The following KAZN variants were observed in gnomAD, a reference collection of about 807,000 sequenced individuals.
KAZN encodes the protein kazrin, periplakin interacting protein.
KAZN carries 40 observed loss-of-function variants against 87.4 expected under a neutral mutation model. The ratio of observed to expected loss-of-function variants is 0.46; its 90% CI spans 0.36 to 0.60. The LOEUF is 0.60. Among genes scored for constraint, KAZN ranks in the 20% least tolerant of loss-of-function variants. KAZN has a pLI of 0.00. For synonymous variants in KAZN, 466 were observed against 458.3 expected (o/e 1.02, Z -0.22); for missense variants, 898 against 1,073.9 (o/e 0.84, Z 2.29).
chr1:14,861,800 AC>A (rs1354497973), intron 1 of KAZN, among the ~76,000 whole-genome samples: 1 of 152,178 alleles, frequency 6.6e-6, no homozygotes, highest in Non-Finnish European at 1.5e-5. Flanking sequence ...TACCCATTGA[AC>A]TTGAACAAGG....
intron 2 of KAZN, among the ~76,000 whole-genome samples, chr1:14,479,248 T>A (rs2148387452): frequency 6.6e-6 from 1 of 152,244 alleles, no homozygotes; most frequent in South Asian, 2.1e-4. Flanking sequence ...TGTGAAACTG[T>A]CCCCTGCAGC....
intron 1 of KAZN, among the ~76,000 whole-genome samples, chr1:14,717,289 G>A (rs1013912661): frequency 6.6e-6 from 1 of 151,800 alleles, no homozygotes; most frequent in Admixed American, 6.6e-5. Context: ...ACCAGGTGCT[G>A]GGAATGTGTT....
Position 14,879,132 on chromosome 1 carries a change from G to A in KAZN, c.227-81552G>A, listed in dbSNP as rs184952684. On this transcript the variant is annotated intron_variant, in intron 1 of 14. Transcript: ENST00000376030. Reference sequence around the variant, plus strand: ...ATTGGGCATTTGAGCTCTGGAGTCAGGAAGGTCTCTGTTCAAATACCAGCT... The same window carrying A: ...ATTGGGCATTTGAGCTCTGGAGTCAAGAAGGTCTCTGTTCAAATACCAGCT... Among the ~76,000 whole-genome samples, 6 of 152,350 alleles carry A rather than the reference G, an allele frequency of 3.9e-5. No homozygotes were observed. The East Asian group carries it at 1.2e-3, about 29-fold the overall frequency.
chr1:14,388,304 C>T lies in KAZN; in HGVS notation c.249+207712C>T, dbSNP rs530301449. ...ATTGCTCACGCTGGGAGCTGTAGACCGGAGCTGTTTCTATTCAGACATCTT... is the reference window on the plus strand; with the variant it reads ...ATTGCTCACGCTGGGAGCTGTAGACTGGAGCTGTTTCTATTCAGACATCTT... On this transcript the variant is annotated intron_variant, in intron 2 of 16. Coordinates refer to the KAZN transcript ENST00000636203. 5.3e-4 allele frequency among the ~76,000 whole-genome samples: 80 copies of T among 152,220 alleles called. 1 individual carries two copies. Among genetic ancestry groups the T allele is most frequent in the Non-Finnish European group, 1.0e-3 (71 of 68,010 alleles).
chr1:14,876,829 G>A (rs1426089253), intron 1 of KAZN, among the ~76,000 whole-genome samples: 1 of 152,126 alleles, frequency 6.6e-6, no homozygotes, highest in East Asian at 1.9e-4. Flanking sequence ...GTCTAGATTT[G>A]GGGAAGTCTT....
At chr1:15,040,130 C>T (rs539432340) in intron 3 of KAZN, among the ~76,000 whole-genome samples, 1 of 152,324 alleles carries the variant, frequency 6.6e-6, no homozygotes, top group African/African-American at 2.4e-5. Context: ...AAGTGACTGA[C>T]CCAAGGACAC....
Position 14,349,713 on chromosome 1 carries a change from T to G in KAZN, c.249+169121T>G, listed in dbSNP as rs149663981. On this transcript the variant is annotated intron_variant, in intron 2 of 16. Coordinates refer to the KAZN transcript ENST00000636203. ...AAAATGAGCAAGGTACGTTCAGGGT[T>G]AAAGAGGAGATAGGCCTTAGATTAT... is the stretch of plus-strand genomic sequence containing the variant. 4.7e-3 allele frequency among the ~76,000 whole-genome samples: 723 copies of G among 152,238 alleles called. 7 individuals are homozygous for G. The highest frequency in any genetic ancestry group is 0.017 in the African/African-American group (693 of 41,534).
chr1:14,997,801 G>A (rs981535287), intron 2 of KAZN, among the ~76,000 whole-genome samples: 3 of 152,162 alleles, frequency 2.0e-5, no homozygotes, highest in Non-Finnish European at 2.9e-5. Flanking sequence ...GGGCCTCACA[G>A]AGCAACAGCA....
At chr1:14,448,532 G>A (rs1372781889) in intron 2 of KAZN, among the ~76,000 whole-genome samples, 1 of 152,204 alleles carries the variant, frequency 6.6e-6, no homozygotes, top group Non-Finnish European at 1.5e-5. Flanking sequence ...CACAAACAAA[G>A]AGGAGCCAAG....
At chr1:15,032,975 C>G (rs1427925576) in intron 2 of KAZN, among the ~76,000 whole-genome samples, 1 of 151,846 alleles carries the variant, frequency 6.6e-6, no homozygotes, top group African/African-American at 2.4e-5. Flanking sequence ...AAAAAAAACT[C>G]CGGAAAAGAA....
At chr1:14,943,286 A>G (rs759250311) in intron 1 of KAZN, among the ~76,000 whole-genome samples, 1 of 151,960 alleles carries the variant, frequency 6.6e-6, no homozygotes, top group Non-Finnish European at 1.5e-5. Context: ...AGAGAAAGCC[A>G]GAGGGGACAG....
chr1:14,666,777 C>T (rs1013592275), intron 1 of KAZN, among the ~76,000 whole-genome samples: 14 of 152,132 alleles, frequency 9.2e-5, no homozygotes, highest in Admixed American at 9.2e-4. Flanking sequence ...CTCACTCTGT[C>T]GCCAAGCTGG....
intron 1 of KAZN, among the ~76,000 whole-genome samples, chr1:14,953,108 G>T (rs1489169771): frequency 6.6e-6 from 1 of 152,248 alleles, no homozygotes; most frequent in Non-Finnish European, 1.5e-5. Flanking sequence ...ATGGTGTCGG[G>T]TGTTGGGTGT....
intron 1 of KAZN, among the ~76,000 whole-genome samples, chr1:14,022,569 T>C (rs1381536498): frequency 6.6e-6 from 1 of 151,118 alleles, no homozygotes; most frequent in East Asian, 1.9e-4. Flanking sequence ...ATTTTATATG[T>C]CGTATGATGC....
chr1:14,131,752 C>T (rs1644997152), intron 1 of KAZN, among the ~76,000 whole-genome samples: 1 of 152,072 alleles, frequency 6.6e-6, no homozygotes, highest in African/African-American at 2.4e-5. Flanking sequence ...AAGTAGGGTT[C>T]AGGTGAGGCT....
chr1:14,875,859 G>T (rs985374717), intron 1 of KAZN, among the ~76,000 whole-genome samples: 5 of 152,168 alleles, frequency 3.3e-5, no homozygotes, highest in African/African-American at 1.2e-4. Context: ...GTGTGACCTC[G>T]GGAATTTCCT....
At position 15,053,184 on chromosome 1, in the gene KAZN, C is replaced by G. The variant is rs1176364503; in HGVS notation, c.727-2907C>G. On this transcript the variant is annotated intron_variant, in intron 4 of 14. Transcript: ENST00000376030. The stretch of plus-strand genomic sequence containing the variant: ...TGGAAGCAAGGGAGTGGGGCATCCC[C>G]CTAAGACTGCGAGTGTAGCAGTGTG... Among the ~76,000 whole-genome samples the G allele has an allele frequency of 3.3e-5, 5 of 152,314 alleles. No homozygotes were observed. The East Asian group carries it at 9.7e-4, about 29-fold the overall frequency.
At chr1:14,802,431 A>G (rs1259941451) in intron 1 of KAZN, among the ~76,000 whole-genome samples, 2 of 150,420 alleles carry the variant, frequency 1.3e-5, no homozygotes, top group African/African-American at 4.9e-5. Context: ...AAATTGGGAC[A>G]ATTTTGCCAC....
At chr1:14,050,091 T>C (rs1317248047) in intron 1 of KAZN, among the ~76,000 whole-genome samples, 3 of 146,800 alleles carry the variant, frequency 2.0e-5, no homozygotes, top group Non-Finnish European at 4.5e-5. Context: ...CCTGTGTACA[T>C]GTGTGCATGT....
Sources: allele counts gnomAD v4.1 joint callset (sites outside exome capture counted in the v4.1 genomes callset), GRCh38; gene constraint gnomAD v4.1.1; transcripts MANE v1.5; gene names NCBI Gene and HGNC (gene_info 2026-07-23, HGNC 2026-07-21).